The following MREG variants were observed in gnomAD, a reference collection of about 807,000 sequenced individuals.
MREG encodes the protein dilute suppressor protein homolog.
In MREG, 31 loss-of-function variants were observed where a neutral mutation model predicts 28.5. The observed-to-expected ratio is 1.09, with a 90% CI of 0.82 to 1.47. MREG has a LOEUF of 1.47. Ranked by LOEUF, MREG falls within the 40% of genes most tolerant of loss-of-function variation. The probability of loss-of-function intolerance (pLI) is 0.00; values close to 1 mark genes in which losing one functional copy is unlikely to be tolerated. For synonymous variants in MREG, 106 were observed against 95.2 expected (o/e 1.11, Z -0.66); for missense variants, 256 against 257.4 (o/e 0.99, Z 0.04).
chr2:215,966,794 G>C (rs1692953595), intron 2 of MREG, among the ~76,000 whole-genome samples: 1 of 152,002 alleles, frequency 6.6e-6, no homozygotes, highest in South Asian at 2.1e-4. Context: ...TAGAGACGAG[G>C]TTTCGCCATG....
chr2:215,969,000 C>A (rs546377798), intron 2 of MREG, among the ~76,000 whole-genome samples: 11 of 152,334 alleles, frequency 7.2e-5, no homozygotes, highest in African/African-American at 2.4e-4. Flanking sequence ...CTCAAGCAAT[C>A]CTCCTGCCTT....
At chr2:215,995,698 G>A (rs1214808894) in intron 2 of MREG, among the ~76,000 whole-genome samples, 1 of 152,142 alleles carries the variant, frequency 6.6e-6, no homozygotes, top group Non-Finnish European at 1.5e-5. Context: ...AAGTATGATT[G>A]TCTTTGCTGT....
At chr2:215,964,840 C>T (rs867375382) in intron 2 of MREG, among the ~76,000 whole-genome samples, 89 of 149,744 alleles carry the variant, frequency 5.9e-4, no homozygotes, top group Middle Eastern at 3.5e-3. Context: ...GACAGACAGA[C>T]AGATAGATAG....
At chr2:216,021,820 C>G (rs555044314) in intron 1 of MREG, among the ~76,000 whole-genome samples, 1 of 152,184 alleles carries the variant, frequency 6.6e-6, no homozygotes, top group African/African-American at 2.4e-5. Flanking sequence ...TAGTCAGATC[C>G]GACCCCATCA....
intron 2 of MREG, among the ~76,000 whole-genome samples, chr2:215,993,364 C>T (rs955188191): frequency 3.9e-5 from 6 of 152,146 alleles, no homozygotes; most frequent in Non-Finnish European, 7.4e-5. Flanking sequence ...AACTGGCTAG[C>T]CATATGCAGA....
At chr2:216,013,207 G>A in intron 1 of MREG, 26 bp downstream of exon 1, 1 of 1,545,818 alleles carries the variant, frequency 6.5e-7, no homozygotes, top group Non-Finnish European at 8.7e-7. Flanking sequence ...GGTAAGCCCA[G>A]ATCCCGGCCC....
Position 215,982,405 on chromosome 2 carries a change from A to AT in MREG, c.255+13900dup, listed in dbSNP as rs564651463. On this transcript the variant is annotated intron_variant, in intron 2 of 4. Coordinates refer to ENST00000263268, the MANE Select transcript of MREG (RefSeq NM_018000.3). ...TGCTAATCAAAAGAAATGCTTATAT[A>AT]TTTTTTAAAAAGGAGAACGGGGATG... Among the ~76,000 whole-genome samples, 4 of 152,238 alleles carry AT rather than the reference A, an allele frequency of 2.6e-5. No homozygotes were observed. The South Asian group carries it at 8.3e-4, about 32-fold the overall frequency.
intron 1 of MREG, among the ~76,000 whole-genome samples, chr2:216,003,893 C>T (rs1234864505): frequency 3.3e-5 from 5 of 152,204 alleles, no homozygotes; most frequent in Admixed American, 6.5e-5. Context: ...GTCTCTTTTA[C>T]CCAGTTATTT....
At chr2:215,982,883 G>A (rs1313033781) in intron 2 of MREG, among the ~76,000 whole-genome samples, 4 of 152,122 alleles carry the variant, frequency 2.6e-5, no homozygotes, top group African/African-American at 4.8e-5. Flanking sequence ...TATTTGTCTG[G>A]AGAACATGAA....
chr2:215,984,582 T>C (rs962062042), intron 2 of MREG, among the ~76,000 whole-genome samples: 4 of 144,636 alleles, frequency 2.8e-5, no homozygotes, highest in East Asian at 2.0e-4. Context: ...GTGAAAGCTA[T>C]GTACAAACTC....
chr2:216,031,048 G>T (rs1483756445), intron 1 of MREG, among the ~76,000 whole-genome samples: 2 of 150,728 alleles, frequency 1.3e-5, no homozygotes, highest in African/African-American at 2.4e-5. Context: ...CATCTGCTCT[G>T]TATCTCACTG....
intron 1 of MREG, among the ~76,000 whole-genome samples, chr2:216,027,302 G>C (rs953715842): frequency 6.6e-6 from 1 of 152,236 alleles, no homozygotes; most frequent in African/African-American, 2.4e-5. Context: ...TCTTTAAACA[G>C]ATAATGCTGT....
intron 1 of MREG, among the ~76,000 whole-genome samples, chr2:216,028,668 C>T (rs1056043812): frequency 5.3e-5 from 8 of 151,770 alleles, no homozygotes. Context: ...TTATTTAATT[C>T]CATTTTTTCT....
intron 2 of MREG, among the ~76,000 whole-genome samples, chr2:215,975,520 A>C (rs1424122183): frequency 1.3e-5 from 2 of 152,206 alleles, no homozygotes; most frequent in Admixed American, 6.5e-5. Flanking sequence ...CACAGAAGCC[A>C]AGGAGCTGTT....
At position 215,945,607 on chromosome 2, in the gene MREG, T is replaced by C; in HGVS notation, c.474A>G (p.Thr158=). The C allele has an allele frequency of 6.2e-7, 1 of 1,613,894 alleles. No homozygotes were observed. The highest frequency in any genetic ancestry group is 2.2e-5 in the East Asian group (1 of 44,876). The change falls in exon 4 of 5, where the codon ACA becomes ACG. Residue 158 remains threonine (T), a synonymous_variant. Transcript: ENST00000263268. ...GATATCTCTCTGAGAGCTCCCAACTTGTTGGGAAAATATTGGTTTCTTCAG... is the reference window on the plus strand; with the variant it reads ...GATATCTCTCTGAGAGCTCCCAACTCGTTGGGAAAATATTGGTTTCTTCAG... ...KLAEETNIFP[T]SWELSERYLF...
chr2:215,955,066 C>G (rs1412146566), intron 2 of MREG, among the ~76,000 whole-genome samples: 1 of 152,158 alleles, frequency 6.6e-6, no homozygotes, highest in African/African-American at 2.4e-5. Flanking sequence ...GCTCTGTCCC[C>G]CAGTCACTAG....
chr2:215,939,563 T>C (rs1311306780), downstream of MREG: 1 of 152,172 alleles, frequency 6.6e-6, no homozygotes, highest in Non-Finnish European at 1.5e-5. Flanking sequence ...CAACATATCG[T>C]CAGGTGTGTG....
chr2:215,997,036 C>T (rs1693892870), intron 1 of MREG, among the ~76,000 whole-genome samples: 1 of 152,176 alleles, frequency 6.6e-6, no homozygotes, highest in South Asian at 2.1e-4. Flanking sequence ...CCACCTTGGC[C>T]TCCCGAAGTG....
At chr2:216,018,503 T>C (rs559070116), upstream of MREG, among the ~76,000 whole-genome samples, 1 of 152,360 alleles carries the variant, frequency 6.6e-6, no homozygotes, top group African/African-American at 2.4e-5. Flanking sequence ...TGGAAGGTTA[T>C]GTTTAATTCT....
Sources: allele counts gnomAD v4.1 joint callset (sites outside exome capture counted in the v4.1 genomes callset), GRCh38; gene constraint gnomAD v4.1.1; transcripts MANE v1.5; gene names NCBI Gene and HGNC (gene_info 2026-07-23, HGNC 2026-07-21).